Variants in PDE4D observed in about 807,000 individuals in gnomAD.
PDE4D encodes the protein phosphodiesterase 4D.
In PDE4D, 24 loss-of-function variants were observed where a neutral mutation model predicts 87.4. The ratio of observed to expected loss-of-function variants is 0.27; its 90% CI spans 0.20 to 0.39. The LOEUF (loss-of-function observed/expected upper bound fraction) is 0.39, where lower values mean the gene tolerates loss of function less well. Among genes scored for constraint, PDE4D ranks in the 10% least tolerant of loss-of-function variants. The pLI, the probability that PDE4D is intolerant of heterozygous loss-of-function variation, is 1.00. For missense variants in PDE4D, 714 were observed against 1,041.0 expected (o/e 0.69, Z 4.32); for synonymous variants, 384 against 383.2 (o/e 1.00, Z -0.02).
intron 5 of PDE4D, chr5:59,062,970 C>T (rs1185188545): frequency 2.6e-5 from 4 of 152,032 alleles, no homozygotes; most frequent in Non-Finnish European, 5.9e-5. Context: ...TGCATTCAAG[C>T]TCTAAGTAAT....
chr5:60,202,842 C>G (rs1159559835), intron 1 of PDE4D, among the ~76,000 whole-genome samples: 1 of 152,004 alleles, frequency 6.6e-6, no homozygotes, highest in Admixed American at 6.6e-5. Context: ...CATGCTATTT[C>G]TAGATATTTG....
At chr5:59,384,375 C>T (rs1345835543) in intron 1 of PDE4D, among the ~76,000 whole-genome samples, 1 of 152,122 alleles carries the variant, frequency 6.6e-6, no homozygotes, top group Admixed American at 6.6e-5. Context: ...AGCAGCCAAG[C>T]GTTGATTCGC....
chr5:60,380,245 TC>T (rs1167371317), intron 1 of PDE4D, among the ~76,000 whole-genome samples: 2 of 152,216 alleles, frequency 1.3e-5, no homozygotes, highest in African/African-American at 2.4e-5. Flanking sequence ...GATTAGTGTA[TC>T]CTAGCTGGCC....
intron 1 of PDE4D, among the ~76,000 whole-genome samples, chr5:60,216,711 A>G (rs76186017): frequency 6.6e-6 from 1 of 152,160 alleles, no homozygotes; most frequent in Non-Finnish European, 1.5e-5. Context: ...GACATATTAC[A>G]TATTAGTAAC....
intron 1 of PDE4D, among the ~76,000 whole-genome samples, chr5:59,439,313 T>G (rs1797236331): frequency 6.9e-6 from 1 of 145,956 alleles, no homozygotes; most frequent in Non-Finnish European, 1.5e-5. Flanking sequence ...TGAGTGAAGA[T>G]CGTGCCACTG....
chr5:60,385,181 T>A (rs899594460), intron 1 of PDE4D, among the ~76,000 whole-genome samples: 1 of 152,128 alleles, frequency 6.6e-6, no homozygotes, highest in Non-Finnish European at 1.5e-5. Context: ...AATTTAAGCA[T>A]GAGTAGTTTT....
chr5:60,071,808 A>G (rs1263116523), intron 2 of PDE4D, among the ~76,000 whole-genome samples: 1 of 152,160 alleles, frequency 6.6e-6, no homozygotes, highest in African/African-American at 2.4e-5. Context: ...GCTAAAGATA[A>G]CAGCCTCCAG....
chr5:60,027,939 T>G (rs1766811205), intron 2 of PDE4D, among the ~76,000 whole-genome samples: 1 of 152,198 alleles, frequency 6.6e-6, no homozygotes, highest in African/African-American at 2.4e-5. Context: ...TGTGAATGAG[T>G]TGGAAAATTC....
chr5:60,447,727 T>C (rs1745757934), intron 1 of PDE4D, among the ~76,000 whole-genome samples: 2 of 152,184 alleles, frequency 1.3e-5, no homozygotes, highest in South Asian at 4.1e-4. Context: ...TTAAGACCAG[T>C]GTGTATTAGC....
chr5:59,904,443 C>A (rs1195231045), intron 3 of PDE4D, among the ~76,000 whole-genome samples: 1 of 152,152 alleles, frequency 6.6e-6, no homozygotes, highest in Non-Finnish European at 1.5e-5. Flanking sequence ...AGTTTAAATT[C>A]ATTAGCCTCC....
At chr5:59,834,858 G>A (rs1001159775) in intron 1 of PDE4D, among the ~76,000 whole-genome samples, 2 of 152,040 alleles carry the variant, frequency 1.3e-5, no homozygotes, top group Non-Finnish European at 2.9e-5. Context: ...TTATTCTGAA[G>A]GCAGTGAAGT....
At chr5:59,168,070 C>T (rs1258602132) in intron 5 of PDE4D, among the ~76,000 whole-genome samples, 1 of 151,598 alleles carries the variant, frequency 6.6e-6, no homozygotes, top group East Asian at 1.9e-4. Flanking sequence ...AAAGGAACCA[C>T]AAAAAAACAA....
intron 1 of PDE4D, among the ~76,000 whole-genome samples, chr5:60,303,089 C>A (rs1754072160): frequency 1.3e-5 from 2 of 152,048 alleles, no homozygotes; most frequent in South Asian, 4.1e-4. Flanking sequence ...TAGGCCTCCC[C>A]AAGTACTGGG....
intron 1 of PDE4D, among the ~76,000 whole-genome samples, chr5:60,520,204 G>T (rs1288604485): frequency 6.6e-6 from 1 of 152,110 alleles, no homozygotes; most frequent in Non-Finnish European, 1.5e-5. Flanking sequence ...ATACACTCTG[G>T]TCAACTGCCA....
At chr5:59,774,977 G>A (rs1324873530) in intron 1 of PDE4D, among the ~76,000 whole-genome samples, 1 of 152,184 alleles carries the variant, frequency 6.6e-6, no homozygotes, top group African/African-American at 2.4e-5. Context: ...TTACAGGTAT[G>A]AGCCACTGTG....
chr5:59,626,294 C>A (rs1830898998), intron 1 of PDE4D, among the ~76,000 whole-genome samples: 1 of 152,086 alleles, frequency 6.6e-6, no homozygotes, highest in Non-Finnish European at 1.5e-5. Context: ...TATATGGAAC[C>A]ATGGTAATGG....
At chr5:59,991,089 A>C (rs1762958176) in intron 2 of PDE4D, among the ~76,000 whole-genome samples, 1 of 152,166 alleles carries the variant, frequency 6.6e-6, no homozygotes, top group African/African-American at 2.4e-5. Flanking sequence ...TCATTTGAAA[A>C]ATTAAACAGA....
intron 1 of PDE4D, among the ~76,000 whole-genome samples, chr5:60,442,806 A>C (rs1345078911): frequency 6.6e-6 from 1 of 152,110 alleles, no homozygotes; most frequent in Non-Finnish European, 1.5e-5. Context: ...AAATATTTCA[A>C]ATTAAACATT....
Position 59,829,280 on chromosome 5 carries a change from G to T in PDE4D, c.455+63888C>A, listed in dbSNP as rs189028912. Reference sequence around the variant, plus strand: ...ACTTTTTTTGGTTTATTTAAAAATTGGTTCCTTAATAATCAACTGCTTGTA... The same window carrying T: ...ACTTTTTTTGGTTTATTTAAAAATTTGTTCCTTAATAATCAACTGCTTGTA... On this transcript the variant is annotated intron_variant, in intron 1 of 14. Transcript: ENST00000340635. Among the ~76,000 whole-genome samples, 472 of 151,816 alleles carry T rather than the reference G, an allele frequency of 3.1e-3. 5 individuals are homozygous for T. The highest frequency in any genetic ancestry group is 0.011 in the African/African-American group (451 of 41,418).
Sources: gnomAD v4.1 joint callset for allele counts (sites outside exome capture counted in the v4.1 genomes callset) on GRCh38, gnomAD v4.1.1 for gene constraint, MANE v1.5 for transcripts, NCBI Gene and HGNC (gene_info 2026-07-23, HGNC 2026-07-21) for gene names.